MED13L: variants seen among roughly 807,000 people sequenced by gnomAD.
MED13L encodes mediator of RNA polymerase II transcription subunit 13-like.
In MED13L, 7 loss-of-function variants were observed where a neutral mutation model predicts 220.9. That is an observed-to-expected ratio of 0.03 (90% confidence interval 0.02 to 0.06). The LOEUF is 0.06. Among genes scored for constraint, MED13L ranks in the 10% least tolerant of loss-of-function variants. The pLI is 1.00. For synonymous variants in MED13L, 1,011 were observed against 1,015.2 expected (o/e 1.00, Z 0.08); for missense variants, 1,965 against 2,760.5 (o/e 0.71, Z 6.46).
At chr12:116,241,079 C>G (rs1230530416) in intron 1 of MED13L, among the ~76,000 whole-genome samples, 1 of 151,412 alleles carries the variant, frequency 6.6e-6, no homozygotes, top group Non-Finnish European at 1.5e-5. Context: ...GAGGCAGAGG[C>G]GGGCGGATCA....
In MED13L at chr12:116,227,201, T is replaced by C. The variant is rs1177383444; in HGVS notation, c.310+10267A>G. Among the ~76,000 whole-genome samples the C allele has an allele frequency of 2.0e-5, 3 of 152,286 alleles. No individual in the cohort carries two copies. In the East Asian group the frequency reaches 5.8e-4, roughly 29 times the overall value. ...TAGCCTTCTGCTTCACCAATAGTTT[T>C]CCCATTCTTTCGCTATTTATCTCTG... On this transcript the variant is annotated intron_variant, in intron 2 of 30. Transcript: ENST00000281928.
At position 116,197,661 on chromosome 12, in the gene MED13L, G is replaced by T. The variant is rs921924787; in HGVS notation, c.310+39807C>A. 2.0e-5 allele frequency among the ~76,000 whole-genome samples: 3 copies of T among 152,060 alleles called. No homozygotes were observed. In the East Asian group the frequency reaches 5.8e-4, roughly 29 times the overall value. ...CATGCCTATAATTTCAGCTACTCGG[G>T]AGGCTGAGGCAGGAGAATCATTGAA... On this transcript the variant is annotated intron_variant, in intron 2 of 30. Coordinates refer to ENST00000281928, the MANE Select transcript of MED13L (RefSeq NM_015335.5).
intron 2 of MED13L, among the ~76,000 whole-genome samples, chr12:116,179,204 C>CGTGT (rs60501771): frequency 0.065 from 9,688 of 148,126 alleles, 306 homozygotes; most frequent in Admixed American, 0.085. Flanking sequence ...TGACGATTTA[C>CGTGT]GTGTGTGTGT....
chr12:116,189,603 A>G (rs1366738819), intron 2 of MED13L, among the ~76,000 whole-genome samples: 2 of 152,168 alleles, frequency 1.3e-5, no homozygotes, highest in Non-Finnish European at 2.9e-5. Context: ...CAAAAGTTTT[A>G]TAGTTTACTT....
chr12:116,025,588 C>T lies in MED13L; in HGVS notation c.480-2987G>A, dbSNP rs935483753. ...TGTCATTTGAGACAACATGGATGAACCTGGAGGACATTATGTTAAGTGAAA... is the reference window on the plus strand; with the variant it reads ...TGTCATTTGAGACAACATGGATGAATCTGGAGGACATTATGTTAAGTGAAA... On this transcript the variant is annotated intron_variant, in intron 4 of 30. Coordinates refer to ENST00000281928, the MANE Select transcript of MED13L (RefSeq NM_015335.5). Among the ~76,000 whole-genome samples, 3 of 152,154 alleles carry T rather than the reference C, an allele frequency of 2.0e-5. No homozygotes were observed. In the South Asian group the frequency reaches 6.2e-4, roughly 32 times the overall value.
At chr12:116,067,533 C>T (rs1305338456) in intron 4 of MED13L, among the ~76,000 whole-genome samples, 1 of 152,168 alleles carries the variant, frequency 6.6e-6, no homozygotes, top group Admixed American at 6.5e-5. Flanking sequence ...GATGCCTCAT[C>T]TCCCCTATTA....
At chr12:116,217,983 C>G (rs1315818503) in intron 2 of MED13L, among the ~76,000 whole-genome samples, 1 of 152,138 alleles carries the variant, frequency 6.6e-6, no homozygotes, top group East Asian at 1.9e-4. Context: ...CATGTCTTTC[C>G]CAGCACACAA....
chr12:116,262,756 A>T lies in MED13L; in HGVS notation c.72+14304T>A, dbSNP rs1417407096. Among the ~76,000 whole-genome samples the T allele has an allele frequency of 5.3e-5, 8 of 152,244 alleles. 1 individual carries two copies. The highest frequency in any genetic ancestry group is 1.2e-4 in the Non-Finnish European group (8 of 68,032). ...CAAACTATGGATTCTCATGAGAATC[A>T]TTCCGCTGTTTAATTAAATGTTATA... On this transcript the variant is annotated intron_variant, in intron 1 of 30. Transcript: ENST00000281928.
intron 2 of MED13L, among the ~76,000 whole-genome samples, chr12:116,162,537 G>A (rs577881067): frequency 1.3e-5 from 2 of 152,304 alleles, no homozygotes; most frequent in East Asian, 1.9e-4. Context: ...CATGTTGAAT[G>A]TAAAGGCATA....
intron 1 of MED13L, among the ~76,000 whole-genome samples, chr12:116,269,056 GGTT>G (rs1169304977): frequency 6.6e-6 from 1 of 151,902 alleles, no homozygotes; most frequent in Non-Finnish European, 1.5e-5. Flanking sequence ...TAGGTTTTTT[GGTT>G]GTTTTTGTTT....
At chr12:116,212,649 C>T (rs1882768031) in intron 2 of MED13L, among the ~76,000 whole-genome samples, 1 of 152,126 alleles carries the variant, frequency 6.6e-6, no homozygotes, top group African/African-American at 2.4e-5. Flanking sequence ...TCTCCTGCAG[C>T]TCACATAACA....
intron 2 of MED13L, among the ~76,000 whole-genome samples, chr12:116,171,705 C>A (rs534185422): frequency 6.6e-6 from 1 of 152,282 alleles, no homozygotes; most frequent in African/African-American, 2.4e-5. Context: ...GATCTGGGTA[C>A]AATCCTTCTG....
chr12:116,183,882 G>A (rs1055255693), intron 2 of MED13L, among the ~76,000 whole-genome samples: 2 of 151,442 alleles, frequency 1.3e-5, no homozygotes, highest in African/African-American at 4.9e-5. Flanking sequence ...TATATAGATA[G>A]TGGCTTCCCT....
At chr12:116,046,021 T>TA (rs1881810756) in intron 4 of MED13L, among the ~76,000 whole-genome samples, 1 of 152,038 alleles carries the variant, frequency 6.6e-6, no homozygotes, top group Non-Finnish European at 1.5e-5. Context: ...AAGACATGCT[T>TA]AAAAAAGAAA....
chr12:116,006,202 T>G (rs1181054941), intron 12 of MED13L, 104 bp downstream of exon 12: 24 of 1,256,400 alleles, frequency 1.9e-5, no homozygotes, highest in Non-Finnish European at 2.5e-5. Flanking sequence ...AAAGATGAGA[T>G]GAAATTCTTA....
intron 23 of MED13L, among the ~76,000 whole-genome samples, chr12:115,979,320 T>C (rs953909903): frequency 1.3e-5 from 2 of 152,186 alleles, no homozygotes; most frequent in African/African-American, 4.8e-5. Flanking sequence ...CTGAGCATAA[T>C]AACCTTTAGA....
rs1878059940 is a variant in MED13L, at chr12:115,991,537, G to A, written c.3417C>T (p.Asn1139=). Residue 1139 remains asparagine, a synonymous_variant, in exon 17 of 31, where the codon AAC becomes AAT. Transcript: ENST00000281928. This position sits in a 1 kb window ranked among gnomAD's most constrained non-coding sequence, Gnocchi z 7.7. ...DSCCICACNM[N]IKGADVGLYI... ...AAAGCCCGACATCCGCCCCTTTGAT[G>A]TTCATGTTGCAGGCACAGATGCAAC... 1.2e-6 allele frequency: 2 copies of A among 1,614,136 alleles called. No homozygotes were observed. The highest frequency in any genetic ancestry group is 8.5e-7 in the Non-Finnish European group (1 of 1,180,018).
chr12:116,007,127 C>T (rs932629631), intron 11 of MED13L: 1 of 446,474 alleles, frequency 2.2e-6, no homozygotes, highest in Non-Finnish European at 4.1e-6. Flanking sequence ...GGAGCATAGG[C>T]CAACAAGAAT....
chr12:115,975,794 A>C, intron 23 of MED13L, 56 bp from the exon 24 acceptor site: 1 of 1,543,568 alleles, frequency 6.5e-7, no homozygotes, highest in Non-Finnish European at 8.9e-7. Flanking sequence ...TAATGATTAC[A>C]ACAAAATCCA....
Sources: gnomAD v4.1 joint callset for allele counts (sites outside exome capture counted in the v4.1 genomes callset) on GRCh38, gnomAD v4.1.1 for gene constraint, Gnocchi (gnomAD v3.1) non-coding constraint, MANE v1.5 for transcripts, NCBI Gene and HGNC (gene_info 2026-07-23, HGNC 2026-07-21) for gene names.